Variants in CTSK observed in about 807,000 individuals in gnomAD.
CTSK encodes cathepsin K.
Under a neutral mutation model 40.5 loss-of-function variants are expected in CTSK, and 26 were observed. The observed-to-expected ratio is 0.64, with a 90% CI of 0.47 to 0.89. The LOEUF is 0.89. Among genes scored for constraint, CTSK ranks in the 40% least tolerant of loss-of-function variants. The pLI is 0.00. For synonymous variants in CTSK, 132 were observed against 143.2 expected (o/e 0.92, Z 0.56); for missense variants, 292 against 400.1 (o/e 0.73, Z 2.30).
intron 1 of CTSK, 26 bp from the exon 2 acceptor site, chr1:150,806,832 A>G: frequency 6.2e-7 from 1 of 1,612,268 alleles, no homozygotes; most frequent in Non-Finnish European, 8.5e-7. Flanking sequence ...GTTAGGGAAA[A>G]CTCTTCCATT....
intron 4 of CTSK, 111 bp from the exon 5 acceptor site, chr1:150,804,350 G>T: frequency 1.2e-6 from 1 of 843,780 alleles, no homozygotes; most frequent in Non-Finnish European, 2.0e-6. Flanking sequence ...CACAAATGTT[G>T]TCATTGTTGT....
chr1:150,802,825 G>C (rs587713387), intron 5 of CTSK, among the ~76,000 whole-genome samples: 1 of 152,268 alleles, frequency 6.6e-6, no homozygotes, highest in Admixed American at 6.5e-5. Flanking sequence ...TTGAGCCCAG[G>C]AAGTGGAGGC....
At chr1:150,799,047 G>T in intron 7 of CTSK, 121 bp downstream of exon 7, 1 of 735,658 alleles carries the variant, frequency 1.4e-6, no homozygotes, top group Non-Finnish European at 2.5e-6. Flanking sequence ...GAAGATAGAA[G>T]TGAGAACTCT....
chr1:150,801,546 T>G (rs969106798), intron 5 of CTSK, among the ~76,000 whole-genome samples: 6 of 151,750 alleles, frequency 4.0e-5, no homozygotes, highest in Non-Finnish European at 8.8e-5. Flanking sequence ...AATTAACTTT[T>G]TTTTTTTTTT....
At chr1:150,800,646 C>G (rs1165158629) in intron 5 of CTSK, 1 of 215,528 alleles carries the variant, frequency 4.6e-6, no homozygotes, top group Non-Finnish European at 1.0e-5. Context: ...TACAGACTAC[C>G]CCTTCAGAAC....
chr1:150,805,145 T>C (rs1241636880), intron 4 of CTSK, among the ~76,000 whole-genome samples: 1 of 147,636 alleles, frequency 6.8e-6, no homozygotes, highest in African/African-American at 2.5e-5. Flanking sequence ...GCCTGAGACG[T>C]TGAGGCTGCA....
rs1040117244 is a variant in CTSK, at chr1:150,796,741, G to A, written c.*58C>T. On this transcript the variant is annotated 3_prime_UTR_variant, in exon 8 of 8. Transcript: ENST00000271651. ...CACCAACTCCCTTCCAAAGTGCATC[G>A]TTACACTGCACCATCGTGGAAGAAA... is the stretch of plus-strand genomic sequence containing the variant. The A allele has an allele frequency of 3.7e-5, 45 of 1,213,084 alleles. No homozygotes were observed. The highest frequency in any genetic ancestry group is 3.4e-4 in the Admixed American group (20 of 59,498). The allele number at this position is 1,213,084 out of a possible 1,614,324, so 75.1% of individuals were successfully genotyped here. A position where few individuals can be genotyped will look rare whatever the true frequency, so the allele number is the denominator to read the frequency against.
At chr1:150,797,570 G>C (rs1571122483) in intron 7 of CTSK, among the ~76,000 whole-genome samples, 1 of 152,302 alleles carries the variant, frequency 6.6e-6, no homozygotes, top group East Asian at 1.9e-4. Flanking sequence ...TGAGTAGCGA[G>C]ACTAGAAGAC....
At chr1:150,799,514 C>T (rs1330677746) in intron 6 of CTSK, 30 bp downstream of exon 6, 2 of 1,612,100 alleles carry the variant, frequency 1.2e-6, no homozygotes, top group Non-Finnish European at 1.7e-6. Context: ...TCATAAAAGA[C>T]AGTGCTGTAT....
intron 1 of CTSK, 127 bp from the exon 2 acceptor site, chr1:150,806,933 TG>T: frequency 9.0e-7 from 1 of 1,111,936 alleles, no homozygotes; most frequent in African/African-American, 1.5e-5. Context: ...AGGAGGGGCC[TG>T]TGTTTAGATA....
intron 7 of CTSK, 38 bp downstream of exon 7, chr1:150,799,129 AG>A: frequency 7.5e-7 from 1 of 1,330,766 alleles, no homozygotes; most frequent in Non-Finnish European, 1.1e-6. Flanking sequence ...GAGTGTTAAA[AG>A]GGTGACTGAA....
At chr1:150,800,054 A>G (rs956823751) in intron 5 of CTSK, among the ~76,000 whole-genome samples, 2 of 151,964 alleles carry the variant, frequency 1.3e-5, no homozygotes, top group African/African-American at 2.4e-5. Flanking sequence ...AAAATTAGCC[A>G]GGCGTGGTAG....
At chr1:150,807,074 T>TCACACACACA (rs1345659757) in intron 1 of CTSK, among the ~76,000 whole-genome samples, 1 of 51,482 alleles carries the variant, frequency 1.9e-5, no homozygotes, top group East Asian at 8.7e-4. Flanking sequence ...TCTGTCTCTC[T>TCACACACACA]CTCTCTCACA....
At chr1:150,799,016 G>A in intron 7 of CTSK, 152 bp downstream of exon 7, 2 of 668,980 alleles carry the variant, frequency 3.0e-6, no homozygotes, top group Non-Finnish European at 5.4e-6. Flanking sequence ...GTCAGACTGA[G>A]AATTAAGAGC....
rs1337985459 is a variant in CTSK at position 150,797,102 on chromosome 1, A to C, written c.891-204T>G. 2.0e-5 allele frequency among the ~76,000 whole-genome samples: 3 copies of C among 152,220 alleles called. No individual in the cohort carries two copies. In the East Asian group the frequency reaches 5.8e-4, roughly 29 times the overall value. ...GGAAAGATTCCTTCTGATCAAGAGA[A>C]TCTTAGAGGCTTGATGTAAGAGGTG... On this transcript the variant is annotated intron_variant, in intron 7 of 7. Coordinates refer to ENST00000271651, the MANE Select transcript of CTSK (RefSeq NM_000396.4).
intron 5 of CTSK, among the ~76,000 whole-genome samples, chr1:150,801,829 G>A (rs996450515): frequency 6.6e-5 from 10 of 151,836 alleles, no homozygotes; most frequent in Middle Eastern, 3.4e-3. Context: ...GTGAGCCACC[G>A]CGCCAGGCCT....
chr1:150,805,388 A>C (rs1445931015), intron 4 of CTSK, among the ~76,000 whole-genome samples: 1 of 152,024 alleles, frequency 6.6e-6, no homozygotes, highest in Non-Finnish European at 1.5e-5. Flanking sequence ...CATGACTCTA[A>C]TCCCAGCACT....
In CTSK at chr1:150,807,063, CTCTG is replaced by C. The variant is rs1230909512; in HGVS notation, c.-1-261_-1-258del. On this transcript the variant is annotated intron_variant, in intron 1 of 7. Coordinates refer to ENST00000271651, the MANE Select transcript of CTSK (RefSeq NM_000396.4). ...CAACACACACTCTCTCTGTTTCTCT[CTCTG>C]TCTCTCTCTCTCTCACACACACACA... Among the ~76,000 whole-genome samples, 15 of 107,938 alleles carry C rather than the reference CTCTG, an allele frequency of 1.4e-4. No homozygotes were observed. The East Asian group carries it at 2.6e-3, about 19-fold the overall frequency. The allele number at this position is 107,938 out of a possible 152,430, so 70.8% of individuals were successfully genotyped here.
At position 150,796,215 on chromosome 1, in the gene CTSK, G is replaced by A. The variant is rs1353942446; in HGVS notation, c.*584C>T. 1.8e-5 allele frequency: 3 copies of A among 165,604 alleles called. No homozygotes were observed. Among genetic ancestry groups the A allele is most frequent in the African/African-American group, 7.3e-5 (3 of 41,294 alleles). 10.3% of individuals were successfully genotyped at this position (165,604 alleles called of 1,614,324 possible). A position where few individuals can be genotyped will look rare whatever the true frequency, so the allele number is the denominator to read the frequency against. ...ACAGTATCCAACACAAAATGAATGT[G>A]TACTAGATGCTATTTATTAAACTGT... On this transcript the variant is annotated 3_prime_UTR_variant, in exon 8 of 8. Transcript: ENST00000271651.
Sources: gnomAD v4.1 joint callset for allele counts (sites outside exome capture counted in the v4.1 genomes callset) on GRCh38, gnomAD v4.1.1 for gene constraint, MANE v1.5 for transcripts, NCBI Gene and HGNC (gene_info 2026-07-23, HGNC 2026-07-21) for gene names.